KCNMA1: variants seen among roughly 807,000 people sequenced by gnomAD.
KCNMA1 encodes the protein potassium calcium-activated channel subfamily M alpha 1, also known as Calcium-activated potassium channel subunit alpha-1.
KCNMA1 carries 29 observed loss-of-function variants against 140.0 expected under a neutral mutation model. The ratio of observed to expected loss-of-function variants is 0.21; its 90% confidence interval spans 0.15 to 0.28. The LOEUF (loss-of-function observed/expected upper bound fraction) is 0.28. Ranked by LOEUF, KCNMA1 falls within the 10% of genes least tolerant of loss-of-function variation. The pLI is 1.00. For missense variants in KCNMA1, 880 were observed against 1,602.2 expected (o/e 0.55, Z 7.70); for synonymous variants, 612 against 611.9 (o/e 1.00, Z 0.00).
At chr10:77,161,146 G>A (rs566051577) in intron 5 of KCNMA1, among the ~76,000 whole-genome samples, 1 of 152,298 alleles carries the variant, frequency 6.6e-6, no homozygotes, top group East Asian at 1.9e-4. Flanking sequence ...TGTGGGATAA[G>A]GAAATAAATA....
At chr10:77,113,123 G>T (rs2097365643) in intron 6 of KCNMA1, among the ~76,000 whole-genome samples, 1 of 151,928 alleles carries the variant, frequency 6.6e-6, no homozygotes, top group East Asian at 1.9e-4. Context: ...TTGGCTGTTA[G>T]GTGGCTTAAA....
At chr10:77,597,661 G>A (rs1391271531) in intron 1 of KCNMA1, among the ~76,000 whole-genome samples, 1 of 152,158 alleles carries the variant, frequency 6.6e-6, no homozygotes, top group Non-Finnish European at 1.5e-5. Flanking sequence ...CCCTCCTTCT[G>A]TGACTTCATT....
At chr10:77,262,645 T>C (rs568799468) in intron 2 of KCNMA1, among the ~76,000 whole-genome samples, 69 of 151,982 alleles carry the variant, frequency 4.5e-4, no homozygotes, top group Non-Finnish European at 9.4e-4. Context: ...TAGTGAGAGA[T>C]ATGATTGTTT....
intron 19 of KCNMA1, chr10:76,977,806 T>G: frequency 1.7e-6 from 1 of 584,508 alleles, no homozygotes; most frequent in African/African-American, 1.9e-5. Flanking sequence ...ATGAGTCAGG[T>G]GAGTTTCACA....
Position 76,956,772 on chromosome 10 carries a change from G to A in KCNMA1, c.2361-2848C>T, listed in dbSNP as rs2068492421. Among the ~76,000 whole-genome samples, 3 of 152,086 alleles carry A rather than the reference G, an allele frequency of 2.0e-5. No individual in the cohort carries two copies. In the South Asian group the frequency reaches 6.2e-4, roughly 32 times the overall value. ...GTACAAGGTGATACAAGAATACCAA[G>A]AAAAAAGCTGTTCATATCCTGGTAT... On this transcript the variant is annotated intron_variant, in intron 20 of 27. Coordinates refer to ENST00000286628, the MANE Select transcript of KCNMA1 (RefSeq NM_001161352.2).
chr10:77,059,674 C>T (rs1055068224), intron 14 of KCNMA1, among the ~76,000 whole-genome samples: 4 of 152,042 alleles, frequency 2.6e-5, no homozygotes, highest in African/African-American at 9.7e-5. Context: ...AAAAATAAAA[C>T]TCTCACCAAA....
chr10:76,893,295 C>T (rs1339718502), intron 25 of KCNMA1, among the ~76,000 whole-genome samples: 1 of 152,184 alleles, frequency 6.6e-6, no homozygotes, highest in African/African-American at 2.4e-5. Context: ...ATATCAGAGA[C>T]ATGAGGCCTT....
chr10:77,515,236 T>C (rs114701074), intron 1 of KCNMA1, among the ~76,000 whole-genome samples: 2,973 of 152,172 alleles, frequency 0.02, 114 homozygotes, highest in African/African-American at 0.068. Context: ...GAGCGTGCAA[T>C]GGCTCTGCCC....
chr10:77,475,405 G>T (rs528226813), intron 1 of KCNMA1, among the ~76,000 whole-genome samples: 1 of 152,202 alleles, frequency 6.6e-6, no homozygotes, highest in East Asian at 1.9e-4. Context: ...CTTTAGGATT[G>T]TGGTTTCGTG....
intron 5 of KCNMA1, among the ~76,000 whole-genome samples, chr10:77,150,863 G>A (rs2098404799): frequency 6.6e-6 from 1 of 152,154 alleles, no homozygotes; most frequent in African/African-American, 2.4e-5. Context: ...TTCTCTCTTT[G>A]TGATTAGGTT....
chr10:77,072,452 T>C (rs1317012869), intron 14 of KCNMA1, among the ~76,000 whole-genome samples: 3 of 151,046 alleles, frequency 2.0e-5, no homozygotes, highest in Non-Finnish European at 2.9e-5. Context: ...CCTGCACTGG[T>C]GCAGCAGGTA....
At chr10:77,432,504 C>T (rs2097174831) in intron 1 of KCNMA1, among the ~76,000 whole-genome samples, 1 of 152,170 alleles carries the variant, frequency 6.6e-6, no homozygotes, top group African/African-American at 2.4e-5. Flanking sequence ...GTCACAGCAA[C>T]AAGCCAACTG....
At chr10:77,502,896 G>A (rs2044428657) in intron 1 of KCNMA1, among the ~76,000 whole-genome samples, 1 of 152,226 alleles carries the variant, frequency 6.6e-6, no homozygotes, top group Admixed American at 6.5e-5. Context: ...CAACGATAGT[G>A]ATGGTGATAA....
At chr10:77,498,863 C>G (rs1267852739) in intron 1 of KCNMA1, 3 of 152,136 alleles carry the variant, frequency 2.0e-5, no homozygotes, top group Non-Finnish European at 4.4e-5. Flanking sequence ...GTGCCATTAT[C>G]ATCATGGCCA....
At chr10:77,513,415 C>T (rs2049145341) in intron 1 of KCNMA1, among the ~76,000 whole-genome samples, 1 of 152,202 alleles carries the variant, frequency 6.6e-6, no homozygotes, top group Non-Finnish European at 1.5e-5. Flanking sequence ...CTGAGAGCAG[C>T]CACCGTAGCT....
intron 2 of KCNMA1, among the ~76,000 whole-genome samples, chr10:77,307,138 T>C (rs946626620): frequency 6.6e-6 from 1 of 152,168 alleles, no homozygotes; most frequent in Non-Finnish European, 1.5e-5. Flanking sequence ...GGTCATCAAT[T>C]GCAAGATCAG....
intron 15 of KCNMA1, among the ~76,000 whole-genome samples, chr10:77,032,413 A>G (rs776521869): frequency 2.6e-5 from 4 of 152,148 alleles, no homozygotes; most frequent in Non-Finnish European, 5.9e-5. Context: ...GGTAAGGGGA[A>G]AAAAGGAAGT....
intron 1 of KCNMA1, among the ~76,000 whole-genome samples, chr10:77,494,508 T>C (rs1223881468): frequency 6.6e-6 from 1 of 152,168 alleles, no homozygotes; most frequent in East Asian, 1.9e-4. Context: ...TCAATGTCAG[T>C]GAATTGGCAG....
At chr10:77,618,727 C>G (rs1320978634) in intron 1 of KCNMA1, among the ~76,000 whole-genome samples, 2 of 152,196 alleles carry the variant, frequency 1.3e-5, no homozygotes, top group African/African-American at 4.8e-5. Flanking sequence ...GATAACAATA[C>G]CCTATGTTCT....
Sources: allele counts gnomAD v4.1 joint callset (sites outside exome capture counted in the v4.1 genomes callset), GRCh38; gene constraint gnomAD v4.1.1; transcripts MANE v1.5; gene names NCBI Gene and HGNC (gene_info 2026-07-23, HGNC 2026-07-21).